GPC6: variants seen among roughly 807,000 people sequenced by gnomAD.
GPC6 encodes the protein glypican-6.
GPC6 carries 14 observed loss-of-function variants against 55.2 expected under a neutral mutation model. That is an observed-to-expected ratio of 0.25 (90% CI 0.17 to 0.40). GPC6 has a LOEUF of 0.40. GPC6 is among the 10% of genes least tolerant of loss of function. The pLI is 1.00. For missense variants in GPC6, 641 were observed against 708.5 expected, an observed-to-expected ratio of 0.90 and a Z score of 1.08; for synonymous variants, 278 against 259.6, an observed-to-expected ratio of 1.07 and a Z score of -0.68.
At chr13:94,161,980 T>A (rs1375704508) in intron 4 of GPC6, among the ~76,000 whole-genome samples, 1 of 151,970 alleles carries the variant, frequency 6.6e-6, no homozygotes, top group Non-Finnish European at 1.5e-5. Context: ...AACCGTCAGA[T>A]CTCATAAGAC....
intron 3 of GPC6, among the ~76,000 whole-genome samples, chr13:93,859,669 G>A (rs918045143): frequency 8.7e-5 from 13 of 149,492 alleles, no homozygotes; most frequent in Admixed American, 4.7e-4. Flanking sequence ...TGGGGAGAGC[G>A]GGGAGCACAA....
chr13:94,202,383 C>T (rs1213534476), intron 4 of GPC6, among the ~76,000 whole-genome samples: 1 of 152,144 alleles, frequency 6.6e-6, no homozygotes, highest in African/African-American at 2.4e-5. Flanking sequence ...ACTCACAGTT[C>T]CACACGGCTG....
At chr13:94,196,209 G>T (rs1889571136) in intron 4 of GPC6, among the ~76,000 whole-genome samples, 1 of 150,360 alleles carries the variant, frequency 6.7e-6, no homozygotes, top group Non-Finnish European at 1.5e-5. Context: ...TCTTAATTAG[G>T]GTTTACAGCA....
At chr13:94,056,026 C>A (rs1397697224) in intron 4 of GPC6, among the ~76,000 whole-genome samples, 1 of 152,168 alleles carries the variant, frequency 6.6e-6, no homozygotes, top group Non-Finnish European at 1.5e-5. Context: ...CCCCTCTTAG[C>A]TTCCTCATCT....
chr13:93,786,572 A>G (rs1885820147), intron 2 of GPC6, among the ~76,000 whole-genome samples: 1 of 152,046 alleles, frequency 6.6e-6, no homozygotes, highest in South Asian at 2.1e-4. Flanking sequence ...TCAGCTGTAA[A>G]ATTTCCAGTT....
chr13:93,631,234 TCCCA>T (rs1296104777), intron 2 of GPC6, among the ~76,000 whole-genome samples: 1 of 152,108 alleles, frequency 6.6e-6, no homozygotes, highest in African/African-American at 2.4e-5. Flanking sequence ...GTGGATTGAA[TCCCA>T]GGTACAACCC....
At chr13:93,351,570 T>C (rs1880633607) in intron 1 of GPC6, among the ~76,000 whole-genome samples, 1 of 152,020 alleles carries the variant, frequency 6.6e-6, no homozygotes, top group Non-Finnish European at 1.5e-5. Flanking sequence ...TAGATTCAAA[T>C]AGCAAGAAGG....
At chr13:94,324,838 G>A (rs868030303) in intron 6 of GPC6, among the ~76,000 whole-genome samples, 3 of 152,124 alleles carry the variant, frequency 2.0e-5, no homozygotes, top group Non-Finnish European at 2.9e-5. Context: ...ATAAGGATAC[G>A]CCACGTTTGT....
At chr13:93,534,283 C>A (rs1173754564) in intron 1 of GPC6, among the ~76,000 whole-genome samples, 1 of 152,114 alleles carries the variant, frequency 6.6e-6, no homozygotes, top group Non-Finnish European at 1.5e-5. Context: ...TTTCTATCTA[C>A]TTCCTAGGAA....
At chr13:94,108,951 T>C (rs1422154214) in intron 4 of GPC6, among the ~76,000 whole-genome samples, 1 of 152,256 alleles carries the variant, frequency 6.6e-6, no homozygotes, top group Admixed American at 6.5e-5. Context: ...CTGCCTGACT[T>C]ACCACCTGTT....
intron 1 of GPC6, among the ~76,000 whole-genome samples, chr13:93,344,359 G>T (rs16948663): frequency 1.3e-5 from 2 of 151,978 alleles, no homozygotes; most frequent in South Asian, 2.1e-4. Context: ...CATATCCCAA[G>T]GCAGGCTTTT....
intron 7 of GPC6, among the ~76,000 whole-genome samples, chr13:94,395,123 T>G (rs138111596): frequency 6.6e-6 from 1 of 152,344 alleles, no homozygotes; most frequent in East Asian, 1.9e-4. Flanking sequence ...CTATTGTTTA[T>G]TCCAATAGGC....
intron 1 of GPC6, among the ~76,000 whole-genome samples, chr13:93,477,825 T>A (rs1879355479): frequency 6.6e-6 from 1 of 152,198 alleles, no homozygotes; most frequent in African/African-American, 2.4e-5. Flanking sequence ...AACTATTTGT[T>A]TCTTATGTGC....
intron 1 of GPC6, among the ~76,000 whole-genome samples, chr13:93,290,605 A>T (rs1439045121): frequency 6.6e-6 from 1 of 152,098 alleles, no homozygotes. Context: ...TCCCCTCCCC[A>T]TTACTGGAAT....
intron 4 of GPC6, among the ~76,000 whole-genome samples, chr13:94,141,599 C>A (rs1022777228): frequency 2.0e-5 from 3 of 152,116 alleles, no homozygotes; most frequent in Admixed American, 6.5e-5. Context: ...TCTGGGGCCC[C>A]CTTGACCAAG....
intron 2 of GPC6, among the ~76,000 whole-genome samples, chr13:93,747,609 T>C (rs1303715241): frequency 6.6e-6 from 1 of 152,242 alleles, no homozygotes; most frequent in East Asian, 1.9e-4. Flanking sequence ...ACAACCATTC[T>C]GTTTTTCACT....
At chr13:93,683,925 C>T (rs1362480386) in intron 2 of GPC6, among the ~76,000 whole-genome samples, 3 of 152,104 alleles carry the variant, frequency 2.0e-5, no homozygotes, top group African/African-American at 7.2e-5. Context: ...TTCCAGGTTG[C>T]ATGCTGCCAA....
intron 4 of GPC6, among the ~76,000 whole-genome samples, chr13:94,279,462 A>T (rs562626338): frequency 4.2e-4 from 63 of 149,664 alleles, no homozygotes; most frequent in South Asian, 4.2e-3. Flanking sequence ...CCCCGATCTT[A>T]GTTATTTCTT....
intron 1 of GPC6, among the ~76,000 whole-genome samples, chr13:93,491,791 T>G (rs76758716): frequency 3.9e-5 from 5 of 128,928 alleles, no homozygotes; most frequent in Admixed American, 7.9e-5. Flanking sequence ...CTTTCCCCAT[T>G]GCTTATTTTT....
Sources: gnomAD v4.1 joint callset for allele counts (sites outside exome capture counted in the v4.1 genomes callset) on GRCh38, gnomAD v4.1.1 for gene constraint, MANE v1.5 for transcripts, NCBI Gene and HGNC (gene_info 2026-07-23, HGNC 2026-07-21) for gene names.